PCDH9: variants seen among roughly 807,000 people sequenced by gnomAD.
PCDH9 encodes the protein protocadherin 9, also known as protocadherin-9.
Under a neutral mutation model 70.6 loss-of-function variants are expected in PCDH9, and 24 were observed. The observed-to-expected ratio is 0.34, with a 90% CI of 0.25 to 0.48. The LOEUF (loss-of-function observed/expected upper bound fraction) is 0.48. Ranked by LOEUF, PCDH9 falls within the 20% of genes least tolerant of loss-of-function variation. PCDH9 has a pLI of 0.99. For missense variants in PCDH9, 1,281 were observed against 1,503.6 expected (o/e 0.85, Z 2.45); for synonymous variants, 562 against 558.5 (o/e 1.01, Z -0.09).
At chr13:66,911,291 G>C (rs1331908773) in intron 2 of PCDH9, among the ~76,000 whole-genome samples, 1 of 152,082 alleles carries the variant, frequency 6.6e-6, no homozygotes, top group Non-Finnish European at 1.5e-5. Context: ...ACACAATTCT[G>C]CTAAATGAAT....
At chr13:66,899,613 T>C (rs1243437190) in intron 3 of PCDH9, among the ~76,000 whole-genome samples, 2 of 152,126 alleles carry the variant, frequency 1.3e-5, no homozygotes, top group East Asian at 1.9e-4. Context: ...GATTGCAGAA[T>C]ACAGACACTG....
In PCDH9 at chr13:66,319,125, C is replaced by T. The variant is rs544201768; in HGVS notation, c.3341-14097G>A. On this transcript the variant is annotated intron_variant, in intron 4 of 4. Coordinates refer to ENST00000377865, the MANE Select transcript of PCDH9 (RefSeq NM_203487.3). ...GGTGGAAGGCAAGGGGAATCAAGGA[C>T]CTTCTTCACAAGGCGGCAGGAGAGA... 4.6e-5 allele frequency among the ~76,000 whole-genome samples: 7 copies of T among 152,224 alleles called. No individual in the cohort carries two copies. The South Asian group carries it at 1.5e-3, about 32-fold the overall frequency.
At chr13:67,118,624 G>C (rs946977212) in intron 2 of PCDH9, among the ~76,000 whole-genome samples, 2 of 152,062 alleles carry the variant, frequency 1.3e-5, no homozygotes, top group Non-Finnish European at 1.5e-5. Context: ...AGCCAAGCAA[G>C]GTAAAACATA....
chr13:66,429,508 T>A (rs1327991594), intron 4 of PCDH9, among the ~76,000 whole-genome samples: 1 of 151,520 alleles, frequency 6.6e-6, no homozygotes, highest in African/African-American at 2.4e-5. Flanking sequence ...AGAACATTTA[T>A]GCCAGAATAA....
In PCDH9 at chr13:66,653,523, C is replaced by A. The variant is rs561181827; in HGVS notation, c.3139-22112G>T. Reference sequence around the variant, plus strand: ...AAGACAGGCCATAACAAAATGCTGGCGAGGTTGTGGAGAATAGGGAACCCT... The same window carrying A: ...AAGACAGGCCATAACAAAATGCTGGAGAGGTTGTGGAGAATAGGGAACCCT... On this transcript the variant is annotated intron_variant, in intron 3 of 4. Transcript: ENST00000377865. Among the ~76,000 whole-genome samples the A allele has an allele frequency of 2.0e-5, 3 of 152,070 alleles. No homozygotes were observed. The East Asian group carries it at 5.8e-4, about 29-fold the overall frequency.
chr13:66,525,256 T>C (rs1185836190), intron 4 of PCDH9, among the ~76,000 whole-genome samples: 5 of 152,038 alleles, frequency 3.3e-5, no homozygotes, highest in Non-Finnish European at 7.4e-5. Flanking sequence ...TTGGAAGCAG[T>C]GGTCATCAGT....
intron 3 of PCDH9, among the ~76,000 whole-genome samples, chr13:66,633,501 A>G (rs959349474): frequency 2.0e-5 from 3 of 152,170 alleles, no homozygotes; most frequent in South Asian, 2.1e-4. Flanking sequence ...CCCTCAATCT[A>G]TCAATATCCT....
chr13:67,060,403 C>A (rs1014148684), intron 2 of PCDH9, among the ~76,000 whole-genome samples: 9 of 152,056 alleles, frequency 5.9e-5, no homozygotes, highest in African/African-American at 2.2e-4. Context: ...ATTTCTTCAA[C>A]CACGAACACC....
rs1754867003 is a variant in PCDH9 at position 66,724,996 on chromosome 13, T to C, written c.3139-93585A>G. ...TGCTGATGACTCCCAATATCATATCTCTAGCCCATAATTCTCTCCCAGATG... is the reference window on the plus strand; with the variant it reads ...TGCTGATGACTCCCAATATCATATCCCTAGCCCATAATTCTCTCCCAGATG... On this transcript the variant is annotated intron_variant, in intron 3 of 4. Transcript: ENST00000377865. Among the ~76,000 whole-genome samples, 3 of 152,290 alleles carry C rather than the reference T, an allele frequency of 2.0e-5. No homozygotes were observed. The South Asian group carries it at 6.2e-4, about 32-fold the overall frequency.
At chr13:66,693,769 A>G (rs571207380) in intron 3 of PCDH9, among the ~76,000 whole-genome samples, 8 of 152,336 alleles carry the variant, frequency 5.3e-5, no homozygotes, top group Admixed American at 4.6e-4. Flanking sequence ...AGGTGGGTCC[A>G]GTTAATTAGT....
chr13:66,739,442 A>G (rs912874764), intron 3 of PCDH9, among the ~76,000 whole-genome samples: 17 of 150,974 alleles, frequency 1.1e-4, no homozygotes, highest in Non-Finnish European at 2.5e-4. Flanking sequence ...ACTAACGAGC[A>G]AAATCACCAG....
chr13:66,421,040 T>A, intron 4 of PCDH9, among the ~76,000 whole-genome samples: 1 of 150,894 alleles, frequency 6.6e-6, no homozygotes, highest in African/African-American at 2.4e-5. Flanking sequence ...CATACACAAG[T>A]ATCAATGGCC....
intron 3 of PCDH9, among the ~76,000 whole-genome samples, chr13:66,852,896 AT>A (rs953200880): frequency 1.1e-4 from 16 of 150,850 alleles, no homozygotes; most frequent in Admixed American, 2.7e-4. Flanking sequence ...ATATCTATAC[AT>A]TTTTTTTTAA....
At chr13:66,754,259 G>A (rs2079506153) in intron 3 of PCDH9, among the ~76,000 whole-genome samples, 1 of 152,032 alleles carries the variant, frequency 6.6e-6, no homozygotes, top group Admixed American at 6.6e-5. Flanking sequence ...AATAGCATTA[G>A]GGGAAATACC....
At chr13:66,668,780 A>C (rs2078131779) in intron 3 of PCDH9, among the ~76,000 whole-genome samples, 1 of 152,120 alleles carries the variant, frequency 6.6e-6, no homozygotes, top group African/African-American at 2.4e-5. Context: ...ATATATGTTG[A>C]AGGTTTAGTA....
intron 2 of PCDH9, among the ~76,000 whole-genome samples, chr13:66,945,877 C>T (rs2083080349): frequency 6.6e-6 from 1 of 152,092 alleles, no homozygotes; most frequent in Non-Finnish European, 1.5e-5. Flanking sequence ...GATGGAATTG[C>T]TAGGCTTTGA....
At chr13:66,418,543 G>A (rs1036228301) in intron 4 of PCDH9, among the ~76,000 whole-genome samples, 9 of 152,228 alleles carry the variant, frequency 5.9e-5, no homozygotes, top group Non-Finnish European at 1.2e-4. Context: ...TGAAGCCAAT[G>A]AGAACAAAGA....
chr13:66,983,959 A>T (rs1057298304), intron 2 of PCDH9, among the ~76,000 whole-genome samples: 1 of 151,970 alleles, frequency 6.6e-6, no homozygotes, highest in Non-Finnish European at 1.5e-5. Context: ...TTGAAAAGCT[A>T]CTCTTTGTAA....
chr13:67,220,444 CTACTT>C (rs1385976640), intron 2 of PCDH9: 42 of 151,980 alleles, frequency 2.8e-4, no homozygotes, highest in Admixed American at 2.2e-3. Flanking sequence ...TAAATTCCCT[CTACTT>C]TACTATTTCA....
Sources: gnomAD v4.1 joint callset for allele counts (sites outside exome capture counted in the v4.1 genomes callset) on GRCh38, gnomAD v4.1.1 for gene constraint, MANE v1.5 for transcripts, NCBI Gene and HGNC (gene_info 2026-07-23, HGNC 2026-07-21) for gene names.